RPS6KC1: variants seen among roughly 807,000 people sequenced by gnomAD.
RPS6KC1 encodes the protein ribosomal protein S6 kinase C1, also known as inactive ribosomal protein S6 kinase delta-1.
In RPS6KC1, 54 loss-of-function variants were observed where a neutral mutation model predicts 103.8. That is an observed-to-expected ratio of 0.52 (90% CI 0.42 to 0.65). The LOEUF is 0.65. Among genes scored for constraint, RPS6KC1 ranks in the 30% least tolerant of loss-of-function variants. The pLI, the probability that RPS6KC1 is intolerant of heterozygous loss-of-function variation, is 0.00. For missense variants in RPS6KC1, 1,151 were observed against 1,253.8 expected (o/e 0.92, Z 1.24); for synonymous variants, 439 against 438.7 (o/e 1.00, Z -0.01).
the RPS6KC1 span, among the ~76,000 whole-genome samples, chr1:213,391,288 G>A: frequency 1.3e-5 from 2 of 152,178 alleles, no homozygotes; most frequent in African/African-American, 4.8e-5. Context: ...GAGTTGATGA[G>A]TGAGACGTGA....
the RPS6KC1 span, among the ~76,000 whole-genome samples, chr1:213,583,811 A>G: frequency 8.0e-6 from 1 of 125,634 alleles, no homozygotes; most frequent in Non-Finnish European, 1.6e-5. Context: ...GCAGAGCAAG[A>G]TTCTGTCTCA....
At chr1:213,068,913 G>A (rs6670025) in intron 1 of RPS6KC1, among the ~76,000 whole-genome samples, 100,378 of 145,340 alleles carry the variant, frequency 0.69, 35,072 homozygotes, top group African/African-American at 0.76. Flanking sequence ...GTGTGTGTGT[G>A]TATGCCGACT....
At chr1:213,101,610 T>C (rs1572530179) in intron 3 of RPS6KC1, among the ~76,000 whole-genome samples, 1 of 152,310 alleles carries the variant, frequency 6.6e-6, no homozygotes, top group East Asian at 1.9e-4. Context: ...TAGGGTACTA[T>C]TAAATATTAA....
chr1:213,773,235 T>TCTTCCCTGTTGCAGCCACA, the RPS6KC1 span, among the ~76,000 whole-genome samples: 1 of 151,036 alleles, frequency 6.6e-6, no homozygotes, highest in Non-Finnish European at 1.5e-5. Context: ...TCAAGGGGAA[T>TCTTCCCTGTTGCAGCCACA]CTTCCCTGTT....
intron 8 of RPS6KC1, among the ~76,000 whole-genome samples, chr1:213,208,084 A>G (rs1182549904): frequency 2.0e-5 from 3 of 152,156 alleles, no homozygotes; most frequent in Non-Finnish European, 4.4e-5. Flanking sequence ...CTTGTATGTT[A>G]CTTTTTCCCC....
intron 7 of RPS6KC1, among the ~76,000 whole-genome samples, chr1:213,173,844 T>C (rs1368389317): frequency 1.3e-5 from 2 of 152,250 alleles, no homozygotes; most frequent in African/African-American, 2.4e-5. Flanking sequence ...ACAGTAATTA[T>C]TTGTTGAAAG....
chr1:213,790,364 T>G, the RPS6KC1 span, among the ~76,000 whole-genome samples: 12 of 152,170 alleles, frequency 7.9e-5, no homozygotes, highest in Admixed American at 7.2e-4. Flanking sequence ...GACTTTCTCT[T>G]TATCATCATT....
At chr1:213,844,808 TA>T in the RPS6KC1 span, among the ~76,000 whole-genome samples, 278 of 152,258 alleles carry the variant, frequency 1.8e-3, 1 homozygote, top group African/African-American at 6.5e-3. Flanking sequence ...AATACACCAC[TA>T]AGTATGGTTC....
At chr1:213,279,622 A>G (rs1264026261), downstream of RPS6KC1, among the ~76,000 whole-genome samples, 2 of 152,188 alleles carry the variant, frequency 1.3e-5, no homozygotes, top group African/African-American at 2.4e-5. Flanking sequence ...CTCTTAGAAG[A>G]CATTACATCC....
At chr1:213,264,563 A>G (rs2094872230) in intron 14 of RPS6KC1, among the ~76,000 whole-genome samples, 1 of 152,188 alleles carries the variant, frequency 6.6e-6, no homozygotes, top group African/African-American at 2.4e-5. Context: ...TTGTAAAGGA[A>G]TCTAGGCTTA....
chr1:213,234,586 G>T (rs1248813127), intron 10 of RPS6KC1, among the ~76,000 whole-genome samples: 1 of 152,148 alleles, frequency 6.6e-6, no homozygotes, highest in African/African-American at 2.4e-5. Context: ...ACCAAGAAAG[G>T]TATCATTTGG....
At chr1:213,543,770 T>C in the RPS6KC1 span, among the ~76,000 whole-genome samples, 2 of 152,244 alleles carry the variant, frequency 1.3e-5, no homozygotes, top group African/African-American at 4.8e-5. Flanking sequence ...TTATTATGTA[T>C]AAGTTACTTC....
At chr1:213,541,961 G>A in the RPS6KC1 span, among the ~76,000 whole-genome samples, 1 of 152,310 alleles carries the variant, frequency 6.6e-6, no homozygotes, top group South Asian at 2.1e-4. Flanking sequence ...AGAGTAGGTT[G>A]TGTTCTTGAG....
chr1:213,275,813 C>T (rs572975050), downstream of RPS6KC1, among the ~76,000 whole-genome samples: 3 of 152,258 alleles, frequency 2.0e-5, no homozygotes, highest in South Asian at 6.2e-4. Context: ...ATTGCCAGAA[C>T]CTATTCTTCC....
chr1:213,544,970 C>T, the RPS6KC1 span, among the ~76,000 whole-genome samples: 2 of 152,284 alleles, frequency 1.3e-5, no homozygotes, highest in South Asian at 4.1e-4. Flanking sequence ...GCACCAGAGA[C>T]TGGGTGGCTT....
Position 213,241,302 on chromosome 1 carries a change from C to G in RPS6KC1, c.1826C>G (p.Ala609Gly), listed in dbSNP as rs780999446. The G allele has an allele frequency of 6.2e-7, 1 of 1,613,898 alleles. No homozygotes were observed. The highest frequency in any genetic ancestry group is 2.2e-5 in the East Asian group (1 of 44,874). The change falls in exon 11 of 15, where the codon GCA (alanine) becomes GGA (glycine). Residue 609 changes from alanine (A) to glycine (G), a missense_variant. Transcript: ENST00000366960. ...EFFRIDSKDS[A>G]SELLGLDFGE... is the part of the protein sequence containing the mutation. Reference sequence around the variant, plus strand: ...TTTAGGATAGACAGTAAGGATAGCGCAAGTGAACTCCTGGGACTTGACTTT... The same window carrying G: ...TTTAGGATAGACAGTAAGGATAGCGGAAGTGAACTCCTGGGACTTGACTTT...
At chr1:213,415,244 A>G in the RPS6KC1 span, among the ~76,000 whole-genome samples, 3 of 152,232 alleles carry the variant, frequency 2.0e-5, no homozygotes, top group Non-Finnish European at 2.9e-5. Flanking sequence ...CTGCTATCGC[A>G]ATTCATACCA....
chr1:213,573,049 G>T, the RPS6KC1 span, among the ~76,000 whole-genome samples: 3 of 152,092 alleles, frequency 2.0e-5, no homozygotes, highest in African/African-American at 2.4e-5. Flanking sequence ...CTCAAGTCTG[G>T]AGCAGAATAG....
chr1:213,610,572 A>G, the RPS6KC1 span, among the ~76,000 whole-genome samples: 1 of 152,190 alleles, frequency 6.6e-6, no homozygotes, highest in East Asian at 1.9e-4. Context: ...GGCTTCCTAT[A>G]TAATGATTCA....
Sources: gnomAD v4.1 joint callset for allele counts (sites outside exome capture counted in the v4.1 genomes callset) on GRCh38, gnomAD v4.1.1 for gene constraint, MANE v1.5 for transcripts, NCBI Gene and HGNC (gene_info 2026-07-23, HGNC 2026-07-21) for gene names.